The following FRMPD2 variants were observed in gnomAD, a reference collection of about 807,000 sequenced individuals.
The protein encoded by FRMPD2 is FERM and PDZ domain-containing protein 2.
FRMPD2 carries 96 observed loss-of-function variants against 140.1 expected under a neutral mutation model. That is an observed-to-expected ratio of 0.69 (90% CI 0.58 to 0.81). The LOEUF is 0.81. Ranked by LOEUF, FRMPD2 falls within the 40% of genes least tolerant of loss-of-function variation. The pLI is 0.00. For missense variants in FRMPD2, 1,240 were observed against 1,447.4 expected, an observed-to-expected ratio of 0.86 and a Z score of 2.32; for synonymous variants, 449 against 547.6, an observed-to-expected ratio of 0.82 and a Z score of 2.52.
intron 1 of FRMPD2, among the ~76,000 whole-genome samples, chr10:48,267,801 T>C (rs1042261109): frequency 1.3e-5 from 2 of 152,250 alleles, no homozygotes; most frequent in African/African-American, 2.4e-5. Context: ...AATGGAACAT[T>C]ACTCAACCAT....
At chr10:48,184,273 GC>G (rs1838621799) in intron 20 of FRMPD2, among the ~76,000 whole-genome samples, 1 of 152,004 alleles carries the variant, frequency 6.6e-6, no homozygotes, top group African/African-American at 2.4e-5. Context: ...GGTCCTCCCT[GC>G]CATGCAAGGA....
chr10:48,257,026 G>A (rs1471454363), intron 1 of FRMPD2, among the ~76,000 whole-genome samples: 1 of 152,140 alleles, frequency 6.6e-6, no homozygotes, highest in Non-Finnish European at 1.5e-5. Context: ...GGTGTCCGCA[G>A]GACTATGGTC....
intron 10 of FRMPD2, among the ~76,000 whole-genome samples, chr10:48,223,474 G>A (rs557414762): frequency 3.9e-5 from 6 of 152,214 alleles, no homozygotes; most frequent in Middle Eastern, 3.4e-3. Context: ...AGAGGAGAGG[G>A]TCAAATAAGG....
chr10:48,207,180 T>C lies in FRMPD2; in HGVS notation c.1612-247A>G, dbSNP rs991003114. Among the ~76,000 whole-genome samples the C allele has an allele frequency of 9.8e-4, 149 of 151,604 alleles. 2 individuals are homozygous for C. The highest frequency in any genetic ancestry group is 2.8e-4 in the Non-Finnish European group (19 of 67,940). ...TGTAACCCAAGGAATACTTTTCTCA[T>C]GGAATACCTAAAACAGTACTTAGAA... On this transcript the variant is annotated intron_variant, in intron 13 of 28. Transcript: ENST00000374201.
chr10:48,216,198 T>C (rs1441983321), intron 12 of FRMPD2, among the ~76,000 whole-genome samples: 1 of 152,022 alleles, frequency 6.6e-6, no homozygotes, highest in Non-Finnish European at 1.5e-5. Context: ...CAATGCCTTC[T>C]AATACATCTC....
At chr10:48,177,929 C>T (rs1838450004) in intron 22 of FRMPD2, 118 bp downstream of exon 22, 2 of 615,044 alleles carry the variant, frequency 3.3e-6, no homozygotes, top group South Asian at 1.9e-5. Flanking sequence ...TTTTATTTAC[C>T]CCTTACATTT....
chr10:48,190,833 A>C (rs1838812199), intron 16 of FRMPD2, among the ~76,000 whole-genome samples: 1 of 152,162 alleles, frequency 6.6e-6, no homozygotes, highest in African/African-American at 2.4e-5. Flanking sequence ...GTGCGTGACC[A>C]CTGGCCAGTC....
At chr10:48,236,120 TTGTC>T (rs903220494) in intron 9 of FRMPD2, among the ~76,000 whole-genome samples, 6 of 152,126 alleles carry the variant, frequency 3.9e-5, no homozygotes, top group Non-Finnish European at 2.9e-5. Flanking sequence ...ATTTATGTCT[TTGTC>T]TGTCTTTGCC....
intron 24 of FRMPD2, 122 bp downstream of exon 24, chr10:48,174,748 C>A (rs1838361050): frequency 5.8e-6 from 5 of 862,308 alleles, no homozygotes; most frequent in East Asian, 5.2e-5. Flanking sequence ...AAAAAAAAAA[C>A]TAACAAAGAA....
At position 48,238,077 on chromosome 10, in the gene FRMPD2, G is replaced by A. The variant is rs144159326; in HGVS notation, c.835C>T (p.Leu279Phe). 1.9e-6 allele frequency: 3 copies of A among 1,613,692 alleles called. No individual in the cohort carries two copies. The highest frequency in any genetic ancestry group is 2.7e-5 in the African/African-American group (2 of 74,944). The change falls in exon 8 of 29, where the codon CTC becomes TTC. Residue 279 changes from leucine to phenylalanine, a missense_variant. This residue lies in a region of FRMPD2 where 1,161 missense variants were observed against 1,055.9 expected (regional missense o/e 1.10). Coordinates refer to ENST00000374201, the MANE Select transcript of FRMPD2 (RefSeq NM_001018071.4). ...GCCGAGTGCACAGATCCAGAGCTGA[G>A]CCTCCGGCCCGCCTGCTGGTCCTGG... The part of the protein sequence containing the change: ...DPQDQQAGRR[L>F]SSGSVHSAAD...
intron 1 of FRMPD2, among the ~76,000 whole-genome samples, chr10:48,252,453 A>G (rs1182108093): frequency 6.6e-6 from 1 of 152,028 alleles, no homozygotes; most frequent in African/African-American, 2.4e-5. Flanking sequence ...TTACATCCTC[A>G]CTGATCTTTC....
intron 12 of FRMPD2, among the ~76,000 whole-genome samples, chr10:48,213,534 T>C (rs918091008): frequency 6.6e-6 from 1 of 152,266 alleles, no homozygotes; most frequent in African/African-American, 2.4e-5. Flanking sequence ...CACAGATGTT[T>C]ATAACAGCCT....
chr10:48,264,595 C>T (rs1017021630), intron 1 of FRMPD2, among the ~76,000 whole-genome samples: 3 of 151,770 alleles, frequency 2.0e-5, no homozygotes, highest in Non-Finnish European at 2.9e-5. Flanking sequence ...TATAAGATCC[C>T]TATAAGGAAA....
At chr10:48,184,179 T>C (rs1838618977) in intron 20 of FRMPD2, among the ~76,000 whole-genome samples, 1 of 151,916 alleles carries the variant, frequency 6.6e-6, no homozygotes, top group African/African-American at 2.4e-5. Flanking sequence ...ATACAAAATA[T>C]AGAAATTTTG....
intron 24 of FRMPD2, 110 bp downstream of exon 24, chr10:48,174,760 A>G (rs1838361353): frequency 1.1e-6 from 1 of 934,188 alleles, no homozygotes; most frequent in African/African-American, 1.6e-5. Flanking sequence ...AACAAAGAAA[A>G]AGTCTTGTTT....
intron 14 of FRMPD2, 122 bp from the exon 15 acceptor site, chr10:48,201,506 T>C (rs1186082466): frequency 2.3e-5 from 16 of 710,166 alleles, no homozygotes; most frequent in Non-Finnish European, 3.0e-5. Context: ...CACGGGTGCA[T>C]GGCAGATGCT....
rs143527281 is a variant in FRMPD2 at position 48,223,239 on chromosome 10, G to T, written c.1200C>A (p.Thr400=). 18 of 1,613,620 alleles carry T rather than the reference G, an allele frequency of 1.1e-5. No homozygotes were observed. The African/African-American group carries it at 2.3e-4, about 20-fold the overall frequency. ...CTTCAGGAGCTATTTTGCACAATCTGGTTTCACTGTCCAGGAAAAAGAACT... is the reference window on the plus strand; with the variant it reads ...CTTCAGGAGCTATTTTGCACAATCTTGTTTCACTGTCCAGGAAAAAGAACT... ...SKEFFFLDSE[T]RLCKIAPEGW... Residue 400 remains threonine, a synonymous_variant, in exon 11 of 29, where the codon ACC becomes ACA. Transcript: ENST00000374201.
At chr10:48,267,124 A>G (rs1204281477) in intron 1 of FRMPD2, among the ~76,000 whole-genome samples, 1 of 152,212 alleles carries the variant, frequency 6.6e-6, no homozygotes, top group Non-Finnish European at 1.5e-5. Context: ...CCAGAGTCTC[A>G]TATCATAGTA....
In FRMPD2 at chr10:48,185,606, G is replaced by C. The variant is rs200435407; in HGVS notation, c.2306C>G (p.Pro769Arg). ...TGTCACACGTACAATTTCTCGGCCC[G>C]GTTCAGCTATAAAGCTCTTCCTCCT... ...NNRRKSFIAE[P>R]GREIVRVTLK... Residue 769 changes from proline (P) to arginine (R), a missense_variant, in exon 18 of 29, where the codon CCG becomes CGG. Pro to Arg is a moderately radical substitution (Grantham distance 103). Around this residue, in one of 6 missense-constraint regions of FRMPD2, gnomAD observed 1,161 missense variants for 1,055.9 expected, o/e 1.10. Transcript: ENST00000374201. 3.7e-6 allele frequency: 6 copies of C among 1,613,930 alleles called. No individual in the cohort carries two copies. The highest frequency in any genetic ancestry group is 1.3e-5 in the African/African-American group (1 of 74,916).
Sources: gnomAD v4.1 joint callset for allele counts (sites outside exome capture counted in the v4.1 genomes callset) on GRCh38, gnomAD v4.1.1 for gene constraint, gnomAD v4.1.1 regional missense constraint, MANE v1.5 for transcripts, NCBI Gene and HGNC (gene_info 2026-07-23, HGNC 2026-07-21) for gene names.